The following FRMD4A variants were observed in gnomAD, a reference collection of about 807,000 sequenced individuals.
FRMD4A encodes the protein FERM domain containing 4A.
In FRMD4A, 29 loss-of-function variants were observed where a neutral mutation model predicts 129.1. The ratio of observed to expected loss-of-function variants is 0.22; its 90% CI spans 0.17 to 0.31. The LOEUF is 0.31. FRMD4A is among the 10% of genes least tolerant of loss of function. The probability of loss-of-function intolerance (pLI) is 1.00; values close to 1 mark genes in which losing one functional copy is unlikely to be tolerated. For synonymous variants in FRMD4A, 634 were observed against 571.6 expected (o/e 1.11, Z -1.56); for missense variants, 1,272 against 1,375.8 (o/e 0.92, Z 1.19).
In FRMD4A at chr10:14,261,987, C is replaced by CACA. The variant is rs3222480; in HGVS notation, c.45+68070_45+68071insTGT. Among the ~76,000 whole-genome samples the CACA allele has an allele frequency of 1.3e-4, 19 of 146,212 alleles. No homozygotes were observed. In the East Asian group the frequency reaches 2.2e-3, roughly 17 times the overall value. ...ACACACACACACACACACACACACA[C>CACA]CTCATTTTCCCTAGTTCCCCTCTCT... is the stretch of plus-strand genomic sequence containing the variant. On this transcript the variant is annotated intron_variant, in intron 2 of 24. Coordinates refer to ENST00000357447, the MANE Select transcript of FRMD4A (RefSeq NM_018027.5).
intron 2 of FRMD4A, among the ~76,000 whole-genome samples, chr10:14,026,255 T>A (rs1042459778): frequency 3.9e-5 from 6 of 152,216 alleles, no homozygotes; most frequent in Non-Finnish European, 7.3e-5. Context: ...CATTTTAGTA[T>A]CTCTCTGTGA....
At chr10:13,660,622 A>C (rs765981726) in intron 19 of FRMD4A, 69 bp from the exon 20 acceptor site, 139 of 915,442 alleles carry the variant, frequency 1.5e-4, no homozygotes, top group Non-Finnish European at 2.0e-4. Flanking sequence ...CAGAACCCCT[A>C]CACCCCTCCA....
chr10:13,933,010 A>G (rs987432347), intron 2 of FRMD4A, among the ~76,000 whole-genome samples: 7 of 152,086 alleles, frequency 4.6e-5, no homozygotes, highest in Non-Finnish European at 1.0e-4. Flanking sequence ...AATATATAAA[A>G]ATTAGTCAGG....
chr10:14,211,928 A>C (rs1226528012), intron 2 of FRMD4A, among the ~76,000 whole-genome samples: 1 of 152,238 alleles, frequency 6.6e-6, no homozygotes, highest in Non-Finnish European at 1.5e-5. Context: ...ATGCCTCAGC[A>C]CTGGGGAAGT....
chr10:14,139,079 C>T (rs1839699131), intron 2 of FRMD4A, among the ~76,000 whole-genome samples: 2 of 152,202 alleles, frequency 1.3e-5, no homozygotes, highest in African/African-American at 4.8e-5. Flanking sequence ...TATCTGTGTC[C>T]TATTGTTTGT....
At chr10:13,922,381 CA>C in intron 2 of FRMD4A, among the ~76,000 whole-genome samples, 1 of 151,942 alleles carries the variant, frequency 6.6e-6, no homozygotes, top group South Asian at 2.1e-4. Flanking sequence ...TGTATTATGG[CA>C]AGTATTAAAT....
chr10:14,044,871 A>G (rs983722924), intron 2 of FRMD4A, among the ~76,000 whole-genome samples: 3 of 152,216 alleles, frequency 2.0e-5, no homozygotes, highest in African/African-American at 7.2e-5. Flanking sequence ...CTCGTCTACC[A>G]GATTGAATTC....
intron 2 of FRMD4A, among the ~76,000 whole-genome samples, chr10:14,287,227 C>T (rs1228333): frequency 0.58 from 88,400 of 151,896 alleles, 27,798 homozygotes; most frequent in African/African-American, 0.84. Flanking sequence ...CTTCCTCTTC[C>T]GTGTTTCTAT....
In FRMD4A at chr10:13,750,313, C is replaced by T. The variant is rs560992388; in HGVS notation, c.465-2494G>A. 5.1e-3 allele frequency among the ~76,000 whole-genome samples: 782 copies of T among 152,176 alleles called. 6 individuals carry two copies. Among genetic ancestry groups the T allele is most frequent in the African/African-American group, 0.018 (730 of 41,512 alleles). On this transcript the variant is annotated intron_variant, in intron 8 of 24. Coordinates refer to ENST00000357447, the MANE Select transcript of FRMD4A (RefSeq NM_018027.5). ...AGGCCAGGACAGATCAACTGATAAT[C>T]AATAAGCTGAAGGTGTTTATGAAGC...
chr10:13,657,878 G>T (rs2082309218), intron 21 of FRMD4A, among the ~76,000 whole-genome samples: 2 of 151,196 alleles, frequency 1.3e-5, no homozygotes, highest in African/African-American at 4.9e-5. Flanking sequence ...TGGGCACTGT[G>T]GTCCACGCCT....
In FRMD4A at chr10:13,781,712, A is replaced by G. The variant is rs867751538; in HGVS notation, c.384+1210T>C. Among the ~76,000 whole-genome samples the G allele has an allele frequency of 2.0e-5, 3 of 152,148 alleles. 1 individual carries two copies. The South Asian group carries it at 6.2e-4, about 31-fold the overall frequency. The stretch of plus-strand genomic sequence containing the variant: ...GAACCTTGAGGCCATTATGCTAGGT[A>G]AAGTAAGCCAGACACAAAAGGACAA... On this transcript the variant is annotated intron_variant, in intron 6 of 24. Transcript: ENST00000357447.
At chr10:14,101,441 C>G (rs577985355) in intron 2 of FRMD4A, among the ~76,000 whole-genome samples, 2 of 152,170 alleles carry the variant, frequency 1.3e-5, no homozygotes, top group Non-Finnish European at 2.9e-5. Context: ...ACCCTAGATA[C>G]TCACCATTGG....
At chr10:13,660,187 G>A (rs1397929002) in intron 20 of FRMD4A, 129 bp downstream of exon 20, 1 of 653,230 alleles carries the variant, frequency 1.5e-6, no homozygotes, top group Non-Finnish European at 2.7e-6. Flanking sequence ...CCCCGTGAAA[G>A]GCAAACCCCA....
chr10:13,952,858 AT>A (rs1250177982), intron 2 of FRMD4A, among the ~76,000 whole-genome samples: 3 of 151,472 alleles, frequency 2.0e-5, no homozygotes, highest in East Asian at 2.0e-4. Context: ...ATGTCGGCTA[AT>A]TTTTTTTCGT....
intron 2 of FRMD4A, among the ~76,000 whole-genome samples, chr10:14,210,192 G>A (rs1842897292): frequency 6.6e-6 from 1 of 152,164 alleles, no homozygotes; most frequent in Non-Finnish European, 1.5e-5. Flanking sequence ...ATGGTATTAG[G>A]AGATAAGGCC....
At chr10:13,719,065 G>T (rs1055519483) in intron 12 of FRMD4A, among the ~76,000 whole-genome samples, 12 of 152,216 alleles carry the variant, frequency 7.9e-5, no homozygotes, top group Non-Finnish European at 1.6e-4. Context: ...AGGTCACACA[G>T]ACGCCACATG....
At chr10:14,118,277 C>A (rs556009976) in intron 2 of FRMD4A, among the ~76,000 whole-genome samples, 52 of 152,262 alleles carry the variant, frequency 3.4e-4, no homozygotes, top group African/African-American at 1.2e-3. Context: ...TGCTTGGCAA[C>A]CTTAGGTGAG....
At chr10:14,308,036 C>A (rs1589291536) in intron 2 of FRMD4A, among the ~76,000 whole-genome samples, 1 of 152,174 alleles carries the variant, frequency 6.6e-6, no homozygotes, top group Admixed American at 6.5e-5. Flanking sequence ...TTTCTCCCTG[C>A]TGAATTGACA....
chr10:13,811,224 C>T (rs2093439323), intron 3 of FRMD4A, among the ~76,000 whole-genome samples: 2 of 150,504 alleles, frequency 1.3e-5, no homozygotes, highest in Admixed American at 6.6e-5. Context: ...CAACCTCTGC[C>T]TCCCGGGTTC....
Sources: gnomAD v4.1 joint callset for allele counts (sites outside exome capture counted in the v4.1 genomes callset) on GRCh38, gnomAD v4.1.1 for gene constraint, MANE v1.5 for transcripts, NCBI Gene and HGNC (gene_info 2026-07-23, HGNC 2026-07-21) for gene names.